The following RSPH10B2 variants were observed in gnomAD, a reference collection of about 807,000 sequenced individuals.
RSPH10B2 encodes the protein radial spoke head 10 homolog B2, also known as radial spoke head 10 homolog B2 (Chlamydomonas).
A neutral mutation model predicts 49.0 loss-of-function variants in RSPH10B2; 9 were observed. The observed-to-expected ratio is 0.18, with a 90% CI of 0.11 to 0.32. RSPH10B2 has a LOEUF of 0.32. RSPH10B2 is among the 10% of genes least tolerant of loss of function. The probability of loss-of-function intolerance (pLI) is 1.00; values close to 1 mark genes in which losing one functional copy is unlikely to be tolerated. For synonymous variants in RSPH10B2, 35 were observed against 210.2 expected (o/e 0.17, Z 7.21); for missense variants, 95 against 589.9 (o/e 0.16, Z 8.69).
intron 1 of RSPH10B2, 135 bp from the exon 4 acceptor site, chr7:6,758,949 G>GTATATGTA: frequency 2.9e-6 from 1 of 343,276 alleles, no homozygotes; most frequent in Non-Finnish European, 4.5e-6. Flanking sequence ...CTAGCTCTGT[G>GTATATGTA]TATATATATA....
At chr7:6,776,643 G>A (rs1256067633) in intron 10 of RSPH10B2, 97 bp downstream of exon 12, 1 of 38,864 alleles carries the variant, frequency 2.6e-5, no homozygotes, top group Non-Finnish European at 4.9e-5. Flanking sequence ...TTGGGAGGCC[G>A]AGGCAGGCGG....
intron 13 of RSPH10B2, among the ~76,000 whole-genome samples, 168 bp from the exon 16 acceptor site, chr7:6,785,781 C>T (rs1220377626): frequency 2.7e-4 from 41 of 151,484 alleles, no homozygotes; most frequent in Middle Eastern, 3.4e-3. Flanking sequence ...GCTGAGATTG[C>T]GCCACTGCCT....
intron 4 of RSPH10B2, among the ~76,000 whole-genome samples, chr7:6,764,442 C>T (rs1208473985): frequency 5.2e-4 from 78 of 150,778 alleles, no homozygotes; most frequent in African/African-American, 1.8e-3. Flanking sequence ...CTCACTGCAA[C>T]CTCTGCCTCC....
intron 6 of RSPH10B2, among the ~76,000 whole-genome samples, chr7:6,767,756 A>ATT (rs1222472314): frequency 6.2e-4 from 11 of 17,714 alleles, no homozygotes; most frequent in African/African-American, 3.1e-3. Context: ...TAAAAAAATA[A>ATT]TTTTTTTTTT....
intron 17 of RSPH10B2, among the ~76,000 whole-genome samples, chr7:6,793,063 A>AT (rs778318872): frequency 0.029 from 1,873 of 64,750 alleles, 247 homozygotes; most frequent in African/African-American, 0.071. Flanking sequence ...GCCCCTGGGC[A>AT]TTTTTTTTTT....
chr7:6,796,328 CAA>C (rs1277112408), intron 17 of RSPH10B2, among the ~76,000 whole-genome samples: 1 of 124,876 alleles, frequency 8.0e-6, no homozygotes, highest in African/African-American at 2.8e-5. Context: ...AAAAAAAAAA[CAA>C]AAAAGAAAAA....
chr7:6,797,357 G>T (rs1304555492), intron 18 of RSPH10B2, among the ~76,000 whole-genome samples: 2 of 150,642 alleles, frequency 1.3e-5, no homozygotes, highest in Non-Finnish European at 3.0e-5. Flanking sequence ...ACTCTTTGGG[G>T]TAATGACTAT....
At chr7:6,779,912 A>G (rs1781865338) in intron 11 of RSPH10B2, among the ~76,000 whole-genome samples, 188 bp downstream of exon 13, 1 of 130,756 alleles carries the variant, frequency 7.6e-6, no homozygotes, top group African/African-American at 2.8e-5. Context: ...GGTTCAAGCA[A>G]TTCTTCTGCC....
chr7:6,791,692 C>T lies in RSPH10B2; in HGVS notation c.2140-212C>T, dbSNP rs1450251170. Among the ~76,000 whole-genome samples, 4 of 137,636 alleles carry T rather than the reference C, an allele frequency of 2.9e-5. 1 individual carries two copies. Among genetic ancestry groups the T allele is most frequent in the African/African-American group, 8.0e-5 (3 of 37,298 alleles). 90.3% of individuals were successfully genotyped at this position (137,636 alleles called of 152,430 possible). A position where few individuals can be genotyped will look rare whatever the true frequency, so the allele number is the denominator to read the frequency against. On this transcript the variant is annotated intron_variant, in intron 16 of 18. Transcript: ENST00000297186. ...CCGAGAGGCGGAGGCTGCAGTGAGC[C>T]GAGATCGCGCCACTGCACTCCAGCC...
chr7:6,796,439 C>T, intron 17 of RSPH10B2, 129 bp from the exon 20 acceptor site: 1 of 656,836 alleles, frequency 1.5e-6, no homozygotes, highest in Non-Finnish European at 2.2e-6. Context: ...AGCGTCCTTA[C>T]TCCTCTCACT....
At chr7:6,797,728 G>A (rs1376875365) in intron 18 of RSPH10B2, among the ~76,000 whole-genome samples, 20 of 150,676 alleles carry the variant, frequency 1.3e-4, no homozygotes, top group African/African-American at 4.7e-4. Context: ...GGTGGCAGGC[G>A]CCTGTAGTCC....
upstream of RSPH10B2, among the ~76,000 whole-genome samples, chr7:6,756,118 G>A (rs1433185146): frequency 1.6e-4 from 24 of 146,234 alleles, no homozygotes; most frequent in African/African-American, 3.4e-4. Flanking sequence ...AATACAAAAA[G>A]AATTAGCCAG....
intron 18 of RSPH10B2, 59 bp from the exon 21 acceptor site, chr7:6,798,304 T>TG: frequency 1.4e-6 from 1 of 697,082 alleles, no homozygotes; most frequent in African/African-American, 3.4e-5. Flanking sequence ...AGCCTAAAAC[T>TG]GGTTTTGCAG....
At chr7:6,770,529 T>C (rs1781596351) in intron 7 of RSPH10B2, among the ~76,000 whole-genome samples, 1 of 129,418 alleles carries the variant, frequency 7.7e-6, no homozygotes, top group South Asian at 2.4e-4. Context: ...GAGAATTGCT[T>C]GAACCCAGGA....
At chr7:6,793,837 A>G (rs1782446818) in intron 17 of RSPH10B2, among the ~76,000 whole-genome samples, 2 of 147,388 alleles carry the variant, frequency 1.4e-5, no homozygotes, top group Non-Finnish European at 1.5e-5. Context: ...GTGAGACTCC[A>G]TATCAAAAAA....
chr7:6,780,705 A>G, intron 11 of RSPH10B2, 104 bp from the exon 14 acceptor site: 1 of 1,227,098 alleles, frequency 8.1e-7, no homozygotes, highest in Non-Finnish European at 1.1e-6. Context: ...TACTCTATAC[A>G]TTAGAAGCAA....
In RSPH10B2 at chr7:6,774,217, G is replaced by C. The variant is rs1316411723; in HGVS notation, c.1224+746G>C. Among the ~76,000 whole-genome samples the C allele has an allele frequency of 2.7e-5, 2 of 73,800 alleles. 1 individual carries two copies. Among genetic ancestry groups the C allele is most frequent in the South Asian group, 1.4e-3 (2 of 1,424 alleles). The allele number at this position is 73,800 out of a possible 152,430, so 48.4% of individuals were successfully genotyped here. On this transcript the variant is annotated intron_variant, in intron 9 of 18. Coordinates refer to ENST00000297186, the Ensembl canonical transcript of RSPH10B2. ...TTTTTGAGACGGAGTCCCTTTTGTC[G>C]CCCGGGCTGGAGTGCAATGGCATGA...
At chr7:6,796,335 G>GA (rs1346968418) in intron 17 of RSPH10B2, among the ~76,000 whole-genome samples, 2 of 126,368 alleles carry the variant, frequency 1.6e-5, no homozygotes, top group Non-Finnish European at 3.4e-5. Flanking sequence ...AAACAAAAAA[G>GA]AAAAAACGAG....
chr7:6,759,203 T>C, intron 2 of RSPH10B2, 44 bp downstream of exon 4: 1 of 141,700 alleles, frequency 7.1e-6, no homozygotes. Context: ...GAGGAAGGTG[T>C]GGGGTGATGG....
Sources: allele counts gnomAD v4.1 joint callset (sites outside exome capture counted in the v4.1 genomes callset), GRCh38; gene constraint gnomAD v4.1.1; transcripts MANE v1.5; gene names NCBI Gene and HGNC (gene_info 2026-07-23, HGNC 2026-07-21).